Variants in KMT2D observed in about 807,000 individuals in gnomAD.
KMT2D encodes histone-lysine N-methyltransferase 2D.
A neutral mutation model predicts 512.7 loss-of-function variants in KMT2D; 55 were observed. The ratio of observed to expected loss-of-function variants is 0.11; its 90% CI spans 0.09 to 0.13. KMT2D has a LOEUF of 0.13. Ranked by LOEUF, KMT2D falls within the 10% of genes least tolerant of loss-of-function variation. KMT2D has a pLI of 1.00. For synonymous variants in KMT2D, 2,995 were observed against 2,904.0 expected, an observed-to-expected ratio of 1.03 and a Z score of -1.01; for missense variants, 6,061 against 7,127.9, an observed-to-expected ratio of 0.85 and a Z score of 5.39.
chr12:49,028,814 C>T lies in KMT2D; in HGVS notation c.14382+14G>A, dbSNP rs377476953. 5 of 1,612,984 alleles carry T rather than the reference C, an allele frequency of 3.1e-6. No homozygotes were observed. Among genetic ancestry groups the T allele is most frequent in the Non-Finnish European group, 4.2e-6 (5 of 1,179,610 alleles). On this transcript the variant is annotated intron_variant, in intron 46 of 54. Coordinates refer to ENST00000301067, the MANE Select transcript of KMT2D (RefSeq NM_003482.4). ...TCAGGTTCCCCTCAGCCTCGAGGTA[C>T]CCCTAGGACACACCTTGGCTGCAGC...
rs2120653196 is a variant in KMT2D, at chr12:49,050,581, G to A, written c.3007C>T (p.Pro1003Ser). 6.2e-7 allele frequency: 1 copy of A among 1,604,740 alleles called. No homozygotes were observed. The highest frequency in any genetic ancestry group is 1.7e-4 in the Middle Eastern group (1 of 6,026). ...GGCCCCACTGGGGAGCCTGGAGATG[G>A]GGGAAGGATCATAGGGGGGACAGGC... ...PEPVPPMILPPSPGSPVGPAS... is the reference protein window; with the variant it reads ...PEPVPPMILPSSPGSPVGPAS... Residue 1003 changes from proline to serine, a missense_variant, in exon 12 of 55, where the codon CCA (proline) becomes TCA (serine). Pro to Ser is a moderately conservative substitution (Grantham distance 74). This residue lies in a region of KMT2D where 447 missense variants were observed against 500.1 expected (regional missense o/e 0.89). Transcript: ENST00000301067.
At position 49,051,295 on chromosome 12, in the gene KMT2D, A is replaced by ATGTGGTCCCTCAGCCTGGGGGGACAAG; in HGVS notation, c.2361_2387dup (p.Ala792_Gln800dup). 2.0e-6 allele frequency: 3 copies of ATGTGGTCCCTCAGCCTGGGGGGACAAG among 1,527,584 alleles called. No individual in the cohort carries two copies. The highest frequency in any genetic ancestry group is 2.6e-6 in the Non-Finnish European group (3 of 1,137,132). The allele number at this position is 1,527,584 out of a possible 1,614,324, so 94.6% of individuals were successfully genotyped here. ...GCAATTCCTCAGGCTGAGGGGACAG[A>ATGTGGTCCCTCAGCCTGGGGGGACAAG]TGTGGTCCCTCAGCCTGGGGGGACA... is the stretch of plus-strand genomic sequence containing the variant. On this transcript the variant is annotated inframe_insertion, in exon 11 of 55. Coordinates refer to ENST00000301067, the MANE Select transcript of KMT2D (RefSeq NM_003482.4).
At position 49,039,459 on chromosome 12, in the gene KMT2D, G is replaced by T; in HGVS notation, c.8205C>A (p.Gly2735=). Reference sequence around the variant, plus strand: ...CCTGTGTCCCAGCAAAGGGGGTCTGGCCTCGACTCAGCTGCTCAAAGGCAG... The same window carrying T: ...CCTGTGTCCCAGCAAAGGGGGTCTGTCCTCGACTCAGCTGCTCAAAGGCAG... ...SSPAFEQLSR[G]QTPFAGTQDK... Residue 2735 remains glycine (G), a synonymous_variant, in exon 33 of 55, where the codon GGC becomes GGA. Coordinates refer to ENST00000301067, the MANE Select transcript of KMT2D (RefSeq NM_003482.4). The surrounding 1 kb of genome is among the most constrained non-coding windows in gnomAD (Gnocchi z 5.0). The T allele has an allele frequency of 1.2e-6, 2 of 1,603,522 alleles. No individual in the cohort carries two copies. Among genetic ancestry groups the T allele is most frequent in the Non-Finnish European group, 1.7e-6 (2 of 1,173,598 alleles).
rs181668033 is a variant in KMT2D at position 49,024,457 on chromosome 12, G to A, written c.16052+121C>T. The A allele has an allele frequency of 7.6e-7, 1 of 1,318,852 alleles. No individual in the cohort carries two copies. The highest frequency in any genetic ancestry group is 2.4e-5 in the Admixed American group (1 of 40,896). 81.7% of individuals were successfully genotyped at this position (1,318,852 alleles called of 1,614,324 possible). On this transcript the variant is annotated intron_variant, in intron 51 of 54. Coordinates refer to ENST00000301067, the MANE Select transcript of KMT2D (RefSeq NM_003482.4). The surrounding 1 kb of genome is among the most constrained non-coding windows in gnomAD (Gnocchi z 4.5). ...CATGCCCTCTAATTAGGAAGTCTAA[G>A]AGTGATTCCCCATTTTCTCCACGGG... is the stretch of plus-strand genomic sequence containing the variant.
Position 49,024,640 on chromosome 12 carries a change from T to G in KMT2D, c.15990A>C (p.Pro5330=). The change falls in exon 51 of 55, where the codon CCA becomes CCC. Residue 5330 remains proline (P), a synonymous_variant. Coordinates refer to ENST00000301067, the MANE Select transcript of KMT2D (RefSeq NM_003482.4). This position sits in a 1 kb window ranked among gnomAD's most constrained non-coding sequence, Gnocchi z 4.5. The part of the protein sequence containing the change: ...RYGRHPLMEL[P]LMINPTGCAR... ...CACAGCCAGTGGGGTTGATCATGAG[T>G]GGCAGCTCCATAAGGGGGTGGCGCC... The G allele has an allele frequency of 6.2e-7, 1 of 1,613,910 alleles. No individual in the cohort carries two copies. Among genetic ancestry groups the G allele is most frequent in the Non-Finnish European group, 8.5e-7 (1 of 1,179,862 alleles).
rs763631881 is a variant in KMT2D at position 49,044,336 on chromosome 12, C to G, written c.5084-32G>C. 1.2e-6 allele frequency: 2 copies of G among 1,613,754 alleles called. No individual in the cohort carries two copies. The highest frequency in any genetic ancestry group is 2.2e-5 in the South Asian group (2 of 91,064). On this transcript the variant is annotated intron_variant, in intron 21 of 54. Coordinates refer to ENST00000301067, the MANE Select transcript of KMT2D (RefSeq NM_003482.4). The surrounding 1 kb of genome is among the most constrained non-coding windows in gnomAD (Gnocchi z 6.4). Reference sequence around the variant, plus strand: ...GGAGGCAGAGTTGTGGATGAGAAGCCGCTGGGGGACCTATTGAGCTGCCCC... The same window carrying G: ...GGAGGCAGAGTTGTGGATGAGAAGCGGCTGGGGGACCTATTGAGCTGCCCC...
Position 49,043,119 on chromosome 12 carries a change from A to T in KMT2D, c.5601T>A (p.Gly1867=), listed in dbSNP as rs1241990915. 1 of 1,613,768 alleles carries T rather than the reference A, an allele frequency of 6.2e-7. No individual in the cohort carries two copies. The highest frequency in any genetic ancestry group is 1.1e-5 in the South Asian group (1 of 91,086). ...PSDPEKPGTP[G]EGMLSSDLDR... is the part of the protein sequence containing the mutation. ...CTAAGTCAGAGCTAAGCATCCCTTCACCTGGGGTGCCTGGCTTCTCAGGGT... is the reference window on the plus strand; with the variant it reads ...CTAAGTCAGAGCTAAGCATCCCTTCTCCTGGGGTGCCTGGCTTCTCAGGGT... The change falls in exon 26 of 55, where the codon GGT becomes GGA. Residue 1867 remains glycine, a synonymous_variant. Coordinates refer to ENST00000301067, the MANE Select transcript of KMT2D (RefSeq NM_003482.4).
In KMT2D at chr12:49,038,483, G is replaced by A. The variant is rs1459715265; in HGVS notation, c.8873C>T (p.Pro2958Leu). 1.2e-6 allele frequency: 2 copies of A among 1,607,376 alleles called. No homozygotes were observed. The highest frequency in any genetic ancestry group is 1.1e-5 in the South Asian group (1 of 90,536). ...PTPHTKGPTLPTGLELVNRPP... is the reference protein window; with the variant it reads ...PTPHTKGPTLLTGLELVNRPP... ...CCGGTTGACCAGCTCCAAACCAGTTGGCAGGGTAGGACCCTTGGTGTGGGG... is the reference window on the plus strand; with the variant it reads ...CCGGTTGACCAGCTCCAAACCAGTTAGCAGGGTAGGACCCTTGGTGTGGGG... The change falls in exon 35 of 55, where the codon CCA becomes CTA. Residue 2958 changes from proline to leucine, a missense_variant. Physicochemically the swap from Pro to Leu is moderately conservative, Grantham distance 98 (BLOSUM62 -3). Around this residue, in one of 16 missense-constraint regions of KMT2D, gnomAD observed 527 missense variants for 578.9 expected, o/e 0.91. Transcript: ENST00000301067. This position sits in a 1 kb window ranked among gnomAD's most constrained non-coding sequence, Gnocchi z 5.7.
In KMT2D at chr12:49,033,208, G is replaced by C. The variant is rs1002386392; in HGVS notation, c.11497C>G (p.Arg3833Gly). The C allele has an allele frequency of 6.4e-7, 1 of 1,551,038 alleles. No individual in the cohort carries two copies. Among genetic ancestry groups the C allele is most frequent in the Non-Finnish European group, 8.7e-7 (1 of 1,146,662 alleles). ...GCCAGCTGGGGGGAACTGAGCACCC[G>C]GGACTGGGTCATAAGCACCTGTCTG... ...PHRQVLMTQSRVLSSPQLAQQ... is the reference protein window; with the variant it reads ...PHRQVLMTQSGVLSSPQLAQQ... Residue 3833 changes from arginine (R) to glycine (G), a missense_variant, in exon 40 of 55, where the codon CGG becomes GGG. Around this residue, in one of 16 missense-constraint regions of KMT2D, gnomAD observed 1,600 missense variants for 1,754.9 expected, o/e 0.91. Coordinates refer to ENST00000301067, the MANE Select transcript of KMT2D (RefSeq NM_003482.4).
chr12:49,042,960 A>C lies in KMT2D; in HGVS notation c.5645-82T>G. ...AGGTCTACAAATGATCATGGCCAGG[A>C]ACAGTCCAGGACTCCCCACCAGAGA... On this transcript the variant is annotated intron_variant, in intron 26 of 54. Coordinates refer to ENST00000301067, the MANE Select transcript of KMT2D (RefSeq NM_003482.4). This position sits in a 1 kb window ranked among gnomAD's most constrained non-coding sequence, Gnocchi z 4.4. The C allele has an allele frequency of 6.3e-7, 1 of 1,589,436 alleles. No individual in the cohort carries two copies. Among genetic ancestry groups the C allele is most frequent in the Non-Finnish European group, 8.6e-7 (1 of 1,159,764 alleles).
rs968117373 is a variant in KMT2D at position 49,043,798 on chromosome 12, G to A, written c.5320-16C>T. On this transcript the variant is annotated splice_polypyrimidine_tract_variant and intron_variant, in intron 23 of 54. Coordinates refer to ENST00000301067, the MANE Select transcript of KMT2D (RefSeq NM_003482.4). ...AGAAGGCTTCCTGTGGGGCAGTCAA[G>A]GAGAAACAGTTTTCTTCATGCCCTG... The A allele has an allele frequency of 2.5e-6, 4 of 1,612,620 alleles. No homozygotes were observed. In the East Asian group the frequency reaches 6.7e-5, roughly 27 times the overall value.
In KMT2D at chr12:49,041,125, T is replaced by C. The variant is rs776500861; in HGVS notation, c.6645A>G (p.Ser2215=). ...CTGGCTGGCCAGCCCCAGGACGAGA[T>C]GAGGCGCCCAGCATCGGGGGCTGCG... is the stretch of plus-strand genomic sequence containing the variant. ...APAQPPMLGA[S]SRPGAGQPGE... The change falls in exon 32 of 55, where the codon TCA becomes TCG. Residue 2215 remains serine, a synonymous_variant. Transcript: ENST00000301067. This position sits in a 1 kb window ranked among gnomAD's most constrained non-coding sequence, Gnocchi z 5.4. 5 of 1,527,258 alleles carry C rather than the reference T, an allele frequency of 3.3e-6. No individual in the cohort carries two copies. Among genetic ancestry groups the C allele is most frequent in the African/African-American group, 1.4e-5 (1 of 71,682 alleles). The allele number at this position is 1,527,258 out of a possible 1,614,324, so 94.6% of individuals were successfully genotyped here. A position where few individuals can be genotyped will look rare whatever the true frequency, so the allele number is the denominator to read the frequency against.
At position 49,033,625 on chromosome 12, in the gene KMT2D, C is replaced by A. The variant is rs751558457; in HGVS notation, c.11080G>T (p.Gly3694Cys). 6.2e-7 allele frequency: 1 copy of A among 1,613,698 alleles called. No individual in the cohort carries two copies. Residue 3694 changes from glycine (G) to cysteine (C), a missense_variant, in exon 40 of 55, where the codon GGC (glycine) becomes TGC (cysteine). Coordinates refer to ENST00000301067, the MANE Select transcript of KMT2D (RefSeq NM_003482.4). ...CCAGGGAAGAAGCCCCCTGAAGGGC[C>A]AGCCAGGGATCCAGCCCCACCAGAA... Reference protein sequence around the residue: ...QHSGGAGSLAGPSGGFFPGNL... With the variant: ...QHSGGAGSLACPSGGFFPGNL...
At position 49,029,098 on chromosome 12, in the gene KMT2D, G is replaced by A. The variant is rs764931980; in HGVS notation, c.14214C>T (p.Ser4738=). Residue 4738 remains serine, a synonymous_variant, in exon 45 of 55, where the codon TCC becomes TCT. Coordinates refer to ENST00000301067, the MANE Select transcript of KMT2D (RefSeq NM_003482.4). The stretch of plus-strand genomic sequence containing the variant: ...CCCGAGGAATGAGGGGGATGACAGG[G>A]GAGAGGGCCCGGTCCTCTTGCTCCC... ...GRWEQEDRAL[S]PVIPLIPRAS... is the part of the protein sequence containing the mutation. 6.2e-7 allele frequency: 1 copy of A among 1,608,800 alleles called. No homozygotes were observed. The highest frequency in any genetic ancestry group is 1.1e-5 in the South Asian group (1 of 90,908).
At position 49,037,522 on chromosome 12, in the gene KMT2D, TTGC is replaced by T. The variant is rs768814728; in HGVS notation, c.9831_9833del (p.Gln3282del). ...ACAGTAGGGAATGCTGCTGCTGCTG[TTGC>T]TGCTGCTGCTGGGCAGGCTGCAACT... On this transcript the variant is annotated inframe_deletion, in exon 35 of 55. Transcript: ENST00000301067. 1.3e-6 allele frequency: 2 copies of T among 1,555,650 alleles called. No homozygotes were observed. Among genetic ancestry groups the T allele is most frequent in the East Asian group, 2.4e-5 (1 of 41,156 alleles).
Position 49,046,108 on chromosome 12 carries a change from G to A in KMT2D, c.4650C>T (p.Gly1550=), listed in dbSNP as rs1187092624. The change falls in exon 18 of 55, where the codon GGC becomes GGT. Residue 1550 remains glycine (G), a synonymous_variant. Transcript: ENST00000301067. The surrounding 1 kb of genome is among the most constrained non-coding windows in gnomAD (Gnocchi z 4.2). ...EDDVEQAADE[G]FDCVSCQPYV... is the part of the protein sequence containing the mutation. ...AGGGCTGGCAGGAGACACAGTCAAA[G>A]CCTTCATCGGCTGCCTGCTCCACAT... 6.2e-7 allele frequency: 1 copy of A among 1,610,970 alleles called. No homozygotes were observed. Among genetic ancestry groups the A allele is most frequent in the Non-Finnish European group, 8.5e-7 (1 of 1,178,472 alleles).
Position 49,033,415 on chromosome 12 carries a change from G to T in KMT2D, c.11290C>A (p.Gln3764Lys), listed in dbSNP as rs587783682. The change falls in exon 40 of 55, where the codon CAG becomes AAG. Residue 3764 changes from glutamine to lysine, a missense_variant. By Grantham distance (53) the Gln-to-Lys change is moderately conservative. Around this residue, in one of 16 missense-constraint regions of KMT2D, gnomAD observed 1,600 missense variants for 1,754.9 expected, o/e 0.91. Transcript: ENST00000301067. Reference sequence around the variant, plus strand: ...TTGGGACCCAGAGCTTGGTTTGTCTGTACTCCAGGACCCTGCTGCTGTTGC... The same window carrying T: ...TTGGGACCCAGAGCTTGGTTTGTCTTTACTCCAGGACCCTGCTGCTGTTGC... Reference protein sequence around the residue: ...QQQQQQGPGVQTNQALGPKPQ... With the variant: ...QQQQQQGPGVKTNQALGPKPQ... The T allele has an allele frequency of 6.3e-7, 1 of 1,577,004 alleles. No homozygotes were observed. The highest frequency in any genetic ancestry group is 8.6e-7 in the Non-Finnish European group (1 of 1,161,296).
In KMT2D at chr12:49,052,167, G is replaced by A. The variant is rs1414364886; in HGVS notation, c.1516C>T (p.Pro506Ser). Residue 506 changes from proline to serine, a missense_variant, in exon 11 of 55, where the codon CCA becomes TCA. By Grantham distance (74) the Pro-to-Ser change is moderately conservative (BLOSUM62 -1). Coordinates refer to ENST00000301067, the MANE Select transcript of KMT2D (RefSeq NM_003482.4). ...GGAGAAAAAGGTGATGATTCAGGTG[G>A]GGGAGACAGAGGAGACTCCTCAGGC... ...PPPEESPLSP[P>S]PESSPFSPLE... 2.5e-6 allele frequency: 4 copies of A among 1,613,614 alleles called. No homozygotes were observed. In the Admixed American group the frequency reaches 5.0e-5, roughly 20 times the overall value.
At chr12:49,058,806 C>T (rs1450797615) in intron 1 of KMT2D, among the ~76,000 whole-genome samples, 1 of 152,136 alleles carries the variant, frequency 6.6e-6, no homozygotes, top group East Asian at 1.9e-4. Context: ...CCATACCAGG[C>T]CGGGAGAAGG....
Sources: gnomAD v4.1 joint callset for allele counts (sites outside exome capture counted in the v4.1 genomes callset) on GRCh38, gnomAD v4.1.1 for gene constraint, gnomAD v4.1.1 regional missense constraint, Gnocchi (gnomAD v3.1) non-coding constraint, MANE v1.5 for transcripts, NCBI Gene and HGNC (gene_info 2026-07-23, HGNC 2026-07-21) for gene names.